EVL: variants seen among roughly 807,000 people sequenced by gnomAD.
EVL encodes the protein ena/VASP-like protein.
EVL carries 21 observed loss-of-function variants against 59.6 expected under a neutral mutation model. The ratio of observed to expected loss-of-function variants is 0.35; its 90% CI spans 0.25 to 0.51. EVL has a LOEUF of 0.51. EVL is among the 20% of genes least tolerant of loss of function. EVL has a pLI of 0.97. For synonymous variants in EVL, 198 were observed against 203.5 expected, an observed-to-expected ratio of 0.97 and a Z score of 0.23; for missense variants, 462 against 546.6, an observed-to-expected ratio of 0.85 and a Z score of 1.54.
chr14:100,113,128 C>T (rs1482925816), intron 3 of EVL, among the ~76,000 whole-genome samples: 2 of 152,118 alleles, frequency 1.3e-5, no homozygotes, highest in African/African-American at 2.4e-5. Flanking sequence ...GATGGACAGA[C>T]GTTCACCAGT....
At chr14:100,039,535 T>C (rs935885666) in intron 1 of EVL, among the ~76,000 whole-genome samples, 1 of 152,036 alleles carries the variant, frequency 6.6e-6, no homozygotes, top group African/African-American at 2.4e-5. Flanking sequence ...CTGCACCCAG[T>C]TGTTAGAAGC....
chr14:100,023,567 T>TC (rs1388513982), intron 1 of EVL, among the ~76,000 whole-genome samples: 5 of 151,860 alleles, frequency 3.3e-5, no homozygotes, highest in African/African-American at 1.2e-4. Context: ...CCTCAGGTGA[T>TC]CCCCCTGCCT....
At chr14:100,101,275 G>A (rs532890192) in intron 3 of EVL, among the ~76,000 whole-genome samples, 12 of 152,222 alleles carry the variant, frequency 7.9e-5, no homozygotes, top group African/African-American at 2.6e-4. Flanking sequence ...ACCTGAGGTC[G>A]GGAGTTCCAA....
intron 1 of EVL, among the ~76,000 whole-genome samples, chr14:100,026,597 A>C (rs1014917616): frequency 6.6e-6 from 1 of 152,056 alleles, no homozygotes; most frequent in Non-Finnish European, 1.5e-5. Context: ...GGGTAGAATG[A>C]CCTACCCTCC....
chr14:100,008,794 A>AT (rs1157372138), intron 1 of EVL, among the ~76,000 whole-genome samples: 2 of 152,210 alleles, frequency 1.3e-5, no homozygotes, highest in Non-Finnish European at 2.9e-5. Context: ...ATTAATTTAA[A>AT]TACCATGGTT....
chr14:100,002,792 A>G (rs986324548), intron 1 of EVL, among the ~76,000 whole-genome samples: 1 of 152,256 alleles, frequency 6.6e-6, no homozygotes, highest in Admixed American at 6.5e-5. Context: ...AACTAAAGTG[A>G]TAACTCAAAG....
intron 1 of EVL, among the ~76,000 whole-genome samples, chr14:100,082,743 A>G (rs2062339086): frequency 6.6e-6 from 1 of 152,252 alleles, no homozygotes; most frequent in African/African-American, 2.4e-5. Context: ...AGTCTGCGAA[A>G]GGAGAAAGGC....
chr14:99,988,322 C>A lies in EVL; in HGVS notation c.5+16265C>A, dbSNP rs56095339. Among the ~76,000 whole-genome samples the A allele has an allele frequency of 0.012, 1,825 of 152,094 alleles. 79 individuals carry two copies. In the East Asian group the frequency reaches 0.16, roughly 13 times the overall value. On this transcript the variant is annotated intron_variant, in intron 1 of 13. Coordinates refer to the EVL transcript ENST00000402714. ...TGAAAAGGTGCTTAGCATCATTAGA[C>A]AAGAGGAAAGGCAAACCAAAACCAC...
chr14:99,998,168 C>T (rs544175419), intron 1 of EVL, among the ~76,000 whole-genome samples: 323 of 152,118 alleles, frequency 2.1e-3, no homozygotes, highest in Non-Finnish European at 3.7e-3. Context: ...CACAGATCTG[C>T]GCCACTATGC....
At position 100,130,445 on chromosome 14, in the gene EVL, C is replaced by T. The variant is rs1440520373; in HGVS notation, c.839+761C>T. Among the ~76,000 whole-genome samples the T allele has an allele frequency of 6.6e-6, 1 of 152,192 alleles. No homozygotes were observed. The highest frequency in any genetic ancestry group is 1.5e-5 in the Non-Finnish European group (1 of 68,032). ...TGGCTCACTTAGGCACCAGAGGGCACGGGAGTAGGCCTCACCTGCCAGAAC... is the reference window on the plus strand; with the variant it reads ...TGGCTCACTTAGGCACCAGAGGGCATGGGAGTAGGCCTCACCTGCCAGAAC... On this transcript the variant is annotated intron_variant, in intron 7 of 13. Coordinates refer to ENST00000392920, the MANE Select transcript of EVL (RefSeq NM_016337.3). The surrounding 1 kb of genome is among the most constrained non-coding windows in gnomAD (Gnocchi z 4.8).
At chr14:100,015,632 G>A (rs1351694535) in intron 1 of EVL, among the ~76,000 whole-genome samples, 1 of 152,206 alleles carries the variant, frequency 6.6e-6, no homozygotes, top group East Asian at 1.9e-4. Context: ...TTAGGCCAGT[G>A]TGTTCAGGTT....
chr14:100,136,600 G>A (rs1344087708), intron 9 of EVL, among the ~76,000 whole-genome samples: 1 of 152,110 alleles, frequency 6.6e-6, no homozygotes, highest in African/African-American at 2.4e-5. Flanking sequence ...GAGAGACAGG[G>A]GCATCAGGCT....
At chr14:100,034,500 A>G (rs947638108) in intron 1 of EVL, among the ~76,000 whole-genome samples, 2 of 152,096 alleles carry the variant, frequency 1.3e-5, no homozygotes, top group African/African-American at 2.4e-5. Flanking sequence ...AATGAATCCC[A>G]ACACTTTGGA....
intron 1 of EVL, among the ~76,000 whole-genome samples, chr14:100,077,538 G>T (rs982309382): frequency 6.6e-6 from 1 of 152,218 alleles, no homozygotes; most frequent in African/African-American, 2.4e-5. Context: ...ATTTATCAGT[G>T]TATTGGTGCT....
chr14:100,053,025 A>G (rs2061670937), intron 1 of EVL: 1 of 152,168 alleles, frequency 6.6e-6, no homozygotes, highest in Non-Finnish European at 1.5e-5. Context: ...GAGCATGCAC[A>G]TGTCTGGCAT....
chr14:100,083,716 C>A (rs143044501), intron 1 of EVL, among the ~76,000 whole-genome samples: 4 of 152,280 alleles, frequency 2.6e-5, no homozygotes, highest in African/African-American at 9.6e-5. Context: ...GTGCAGCCAT[C>A]TATTTATTTT....
intron 4 of EVL, 57 bp downstream of exon 4, chr14:100,123,659 AG>A (rs981887044): frequency 3.1e-6 from 5 of 1,588,822 alleles, no homozygotes; most frequent in Non-Finnish European, 4.3e-6. Context: ...CTGGGTGGCC[AG>A]GGGTGCCTTC....
intron 11 of EVL, chr14:100,138,168 G>C: frequency 2.9e-6 from 1 of 339,208 alleles, no homozygotes; most frequent in Non-Finnish European, 5.5e-6. Flanking sequence ...CTGCTGCACA[G>C]GGTGGTGGTG....
At chr14:100,004,232 CAAAT>C (rs893765172) in intron 1 of EVL, among the ~76,000 whole-genome samples, 3 of 152,064 alleles carry the variant, frequency 2.0e-5, no homozygotes, top group African/African-American at 7.2e-5. Flanking sequence ...AACCAACAAA[CAAAT>C]GTTAGCATCA....
Sources: gnomAD v4.1 joint callset for allele counts (sites outside exome capture counted in the v4.1 genomes callset) on GRCh38, gnomAD v4.1.1 for gene constraint, Gnocchi (gnomAD v3.1) non-coding constraint, MANE v1.5 for transcripts, NCBI Gene and HGNC (gene_info 2026-07-23, HGNC 2026-07-21) for gene names.